LYG1: variants seen among roughly 807,000 people sequenced by gnomAD.
The protein encoded by LYG1 is lysozyme g-like protein 1.
LYG1 carries 17 observed loss-of-function variants against 21.7 expected under a neutral mutation model. The observed-to-expected ratio is 0.78, with a 90% CI of 0.54 to 1.18. The LOEUF (loss-of-function observed/expected upper bound fraction) is 1.18, where lower values mean the gene tolerates loss of function less well. Among genes scored for constraint, LYG1 ranks in the 50% most tolerant of loss-of-function variants. The pLI is 0.00. For synonymous variants in LYG1, 81 were observed against 87.4 expected, an observed-to-expected ratio of 0.93 and a Z score of 0.41; for missense variants, 211 against 238.1, an observed-to-expected ratio of 0.89 and a Z score of 0.75.
At chr2:99,303,063 A>C (rs999727674), upstream of LYG1, among the ~76,000 whole-genome samples, 1 of 151,814 alleles carries the variant, frequency 6.6e-6, no homozygotes, top group African/African-American at 2.4e-5. Flanking sequence ...TGTGACTGAG[A>C]TGGTGAGACC....
At position 99,301,081 on chromosome 2, in the gene LYG1, G is replaced by C. The variant is rs911984733; in HGVS notation, c.-155C>G. ...TCAGTCAGTGCTCCTCCTTAGAGGT[G>C]GTGAGCCCACAGCGATTTATATAGA... is the stretch of plus-strand genomic sequence containing the variant. On this transcript the variant is annotated 5_prime_UTR_variant, in exon 1 of 7. Transcript: ENST00000308528. 3 of 141,542 alleles carry C rather than the reference G, an allele frequency of 2.1e-5. No individual in the cohort carries two copies. The highest frequency in any genetic ancestry group is 3.1e-5 in the Non-Finnish European group (2 of 65,492). 8.8% of individuals were successfully genotyped at this position (141,542 alleles called of 1,614,324 possible).
Position 99,291,875 on chromosome 2 carries a change from C to T in LYG1, c.149-454G>A, listed in dbSNP as rs72954234. On this transcript the variant is annotated intron_variant, in intron 4 of 6. Coordinates refer to ENST00000308528, the MANE Select transcript of LYG1 (RefSeq NM_174898.3). ...AATTGCACAGTTTTCCACTCCTAAACGATACCAACAAATCATGCAAGTTTA... is the reference window on the plus strand; with the variant it reads ...AATTGCACAGTTTTCCACTCCTAAATGATACCAACAAATCATGCAAGTTTA... Among the ~76,000 whole-genome samples, 795 of 152,304 alleles carry T rather than the reference C, an allele frequency of 5.2e-3. 8 individuals are homozygous for T. The highest frequency in any genetic ancestry group is 0.018 in the African/African-American group (754 of 41,554).
At chr2:99,297,198 G>T (rs1230074746) in intron 2 of LYG1, among the ~76,000 whole-genome samples, 1 of 152,292 alleles carries the variant, frequency 6.6e-6, no homozygotes, top group Non-Finnish European at 1.5e-5. Context: ...CAGGGACCTG[G>T]AATCTTAGCT....
chr2:99,298,494 A>G lies in LYG1; in HGVS notation c.-68T>C, dbSNP rs1436306054. The G allele has an allele frequency of 6.6e-6, 1 of 152,206 alleles. No individual in the cohort carries two copies. Among genetic ancestry groups the G allele is most frequent in the East Asian group, 1.9e-4 (1 of 5,202 alleles). 9.4% of individuals were successfully genotyped at this position (152,206 alleles called of 1,614,324 possible). A position where few individuals can be genotyped will look rare whatever the true frequency, so the allele number is the denominator to read the frequency against. ...CTGAGTACTTTGGAATTCCCAAAGCACTGTGTAAGTTTGTAAGGCATAATG... is the reference window on the plus strand; with the variant it reads ...CTGAGTACTTTGGAATTCCCAAAGCGCTGTGTAAGTTTGTAAGGCATAATG... On this transcript the variant is annotated 5_prime_UTR_variant, in exon 2 of 7. Coordinates refer to ENST00000308528, the MANE Select transcript of LYG1 (RefSeq NM_174898.3).
At chr2:99,292,965 G>A (rs1453370495) in intron 3 of LYG1, among the ~76,000 whole-genome samples, 1 of 138,586 alleles carries the variant, frequency 7.2e-6, no homozygotes, top group Non-Finnish European at 1.5e-5. Context: ...TTTGTTCCCT[G>A]TAAAGTAGTC....
At chr2:99,290,281 T>C (rs565059414) in intron 5 of LYG1, among the ~76,000 whole-genome samples, 1 of 152,328 alleles carries the variant, frequency 6.6e-6, no homozygotes, top group African/African-American at 2.4e-5. Context: ...CATCACAAGA[T>C]ATTCAGTCCC....
At chr2:99,293,521 G>A (rs905414306) in intron 3 of LYG1, among the ~76,000 whole-genome samples, 3 of 152,206 alleles carry the variant, frequency 2.0e-5, no homozygotes, top group African/African-American at 7.2e-5. Context: ...GCAGAAGGGA[G>A]TGAAGGAGAG....
At chr2:99,303,429 A>G (rs1032533521), upstream of LYG1, among the ~76,000 whole-genome samples, 2 of 152,012 alleles carry the variant, frequency 1.3e-5, no homozygotes, top group African/African-American at 4.8e-5. Flanking sequence ...TTGCCTGGCA[A>G]AGGCTCCACA....
intron 1 of LYG1, among the ~76,000 whole-genome samples, chr2:99,298,795 G>A (rs1256916749): frequency 1.3e-5 from 2 of 152,106 alleles, no homozygotes; most frequent in Admixed American, 1.3e-4. Flanking sequence ...ATTAGGCATG[G>A]TCTCCTGCTC....
At chr2:99,292,434 T>C (rs2094122175) in intron 4 of LYG1, 102 bp downstream of exon 4, 1 of 842,862 alleles carries the variant, frequency 1.2e-6, no homozygotes, top group African/African-American at 1.7e-5. Context: ...AGCAGAGCTT[T>C]GGGACCCCAT....
chr2:99,286,644 C>T (rs1452287354), intron 5 of LYG1, among the ~76,000 whole-genome samples: 2 of 152,138 alleles, frequency 1.3e-5, no homozygotes, highest in Non-Finnish European at 2.9e-5. Context: ...GTGGAGGTTG[C>T]AGTGAGCTGA....
chr2:99,291,107 A>C, intron 5 of LYG1, 130 bp downstream of exon 5: 2 of 795,882 alleles, frequency 2.5e-6, no homozygotes, highest in South Asian at 4.0e-5. Flanking sequence ...TCTCAGGCAG[A>C]ACTGTCACTG....
At position 99,291,008 on chromosome 2, in the gene LYG1, G is replaced by A. The variant is rs1378916596; in HGVS notation, c.333+229C>T. The stretch of plus-strand genomic sequence containing the variant: ...TAGGTCCAGAAATCCAGAATAGGGT[G>A]GCCCGGATGATATTCTGGAAACACG... On this transcript the variant is annotated intron_variant, in intron 5 of 6. Transcript: ENST00000308528. Among the ~76,000 whole-genome samples the A allele has an allele frequency of 5.3e-5, 8 of 152,124 alleles. No individual in the cohort carries two copies. In the East Asian group the frequency reaches 1.5e-3, roughly 29 times the overall value.
At chr2:99,296,024 C>T (rs973637837) in intron 2 of LYG1, among the ~76,000 whole-genome samples, 8 of 152,006 alleles carry the variant, frequency 5.3e-5, no homozygotes, top group Middle Eastern at 6.8e-3. Context: ...GACCTGGCTC[C>T]AGACCCTGAA....
Position 99,284,945 on chromosome 2 carries a change from T to C in LYG1, c.334-125A>G, listed in dbSNP as rs376697256. On this transcript the variant is annotated intron_variant, in intron 5 of 6. Coordinates refer to ENST00000308528, the MANE Select transcript of LYG1 (RefSeq NM_174898.3). ...CTCCTTTCACCTTTGATGGAACCAA[T>C]GCCACCGTCAGTCTCCTGTGAGGTA... 5.7e-5 allele frequency: 74 copies of C among 1,287,874 alleles called. No homozygotes were observed. In the African/African-American group the frequency reaches 1.0e-3, roughly 18 times the overall value. 79.8% of individuals were successfully genotyped at this position (1,287,874 alleles called of 1,614,324 possible). A position where few individuals can be genotyped will look rare whatever the true frequency, so the allele number is the denominator to read the frequency against.
At chr2:99,286,741 T>A (rs1049077004) in intron 5 of LYG1, among the ~76,000 whole-genome samples, 2 of 152,086 alleles carry the variant, frequency 1.3e-5, no homozygotes, top group African/African-American at 4.8e-5. Flanking sequence ...TAATACCATA[T>A]GATTTAGTAA....
upstream of LYG1, among the ~76,000 whole-genome samples, chr2:99,303,546 G>T (rs1339934850): frequency 6.6e-6 from 1 of 152,108 alleles, no homozygotes; most frequent in East Asian, 1.9e-4. Context: ...TGAGGAGGTC[G>T]TTCTCCATCC....
intron 5 of LYG1, among the ~76,000 whole-genome samples, chr2:99,285,140 T>A (rs754602086): frequency 1.3e-5 from 2 of 152,120 alleles, no homozygotes; most frequent in Non-Finnish European, 2.9e-5. Context: ...GGTAGGTGGA[T>A]CACTTAAGCT....
upstream of LYG1, among the ~76,000 whole-genome samples, chr2:99,302,130 G>A (rs56925995): frequency 1.0e-3 from 152 of 152,312 alleles, 1 homozygote; most frequent in East Asian, 0.021. Flanking sequence ...GACAGGGGCT[G>A]TGTCTCATTC....
Sources: allele counts gnomAD v4.1 joint callset (sites outside exome capture counted in the v4.1 genomes callset), GRCh38; gene constraint gnomAD v4.1.1; transcripts MANE v1.5; gene names NCBI Gene and HGNC (gene_info 2026-07-23, HGNC 2026-07-21).